FER: variants seen among roughly 807,000 people sequenced by gnomAD.
FER encodes FER tyrosine kinase, also known as tyrosine-protein kinase Fer.
A neutral mutation model predicts 111.0 loss-of-function variants in FER; 63 were observed. The ratio of observed to expected loss-of-function variants is 0.57; its 90% CI spans 0.46 to 0.70. The LOEUF (loss-of-function observed/expected upper bound fraction) is 0.70. Ranked by LOEUF, FER falls within the 30% of genes least tolerant of loss-of-function variation. The pLI, the probability that FER is intolerant of heterozygous loss-of-function variation, is 0.00. For missense variants in FER, 914 were observed against 954.0 expected (o/e 0.96, Z 0.55); for synonymous variants, 327 against 313.9 (o/e 1.04, Z -0.44).
intron 17 of FER, among the ~76,000 whole-genome samples, chr5:109,122,925 T>C (rs1257099431): frequency 6.6e-6 from 1 of 152,202 alleles, no homozygotes; most frequent in East Asian, 1.9e-4. Flanking sequence ...AATATCTTTT[T>C]TCATCCTTTT....
At chr5:109,109,889 C>A (rs1749392874) in intron 17 of FER, among the ~76,000 whole-genome samples, 1 of 152,046 alleles carries the variant, frequency 6.6e-6, no homozygotes, top group African/African-American at 2.4e-5. Context: ...AATTATACTC[C>A]CATTCAGGGT....
At chr5:109,184,648 G>GTATT (rs1758660486) in intron 18 of FER, among the ~76,000 whole-genome samples, 1 of 152,178 alleles carries the variant, frequency 6.6e-6, no homozygotes, top group African/African-American at 2.4e-5. Context: ...TTCATGAAAA[G>GTATT]TATTAAATTA....
At chr5:108,771,127 G>C (rs1752853907) in intron 2 of FER, among the ~76,000 whole-genome samples, 1 of 151,734 alleles carries the variant, frequency 6.6e-6, no homozygotes, top group South Asian at 2.1e-4. Context: ...GTAGAGACAG[G>C]GTTTCACCAT....
chr5:109,049,969 C>T (rs1220718043), intron 16 of FER, among the ~76,000 whole-genome samples: 1 of 152,180 alleles, frequency 6.6e-6, no homozygotes, highest in Non-Finnish European at 1.5e-5. Context: ...ACTCAGAATA[C>T]AAGTTCTGAA....
chr5:108,758,426 C>T (rs984981102), intron 1 of FER, among the ~76,000 whole-genome samples: 25 of 152,314 alleles, frequency 1.6e-4, no homozygotes, highest in African/African-American at 5.1e-4. Context: ...TTTCACGATT[C>T]TTCAGTTGCA....
At chr5:108,846,388 T>C (rs1762027524) in intron 5 of FER, among the ~76,000 whole-genome samples, 2 of 151,934 alleles carry the variant, frequency 1.3e-5, no homozygotes, top group South Asian at 4.2e-4. Context: ...TATATGCCAT[T>C]GTACTCCAGA....
intron 5 of FER, among the ~76,000 whole-genome samples, chr5:108,844,002 G>GTA (rs1038539020): frequency 9.2e-5 from 14 of 151,374 alleles, no homozygotes; most frequent in South Asian, 8.3e-4. Flanking sequence ...CTCTTTCTAT[G>GTA]TATATATATA....
At chr5:109,163,000 A>C (rs1756151353) in intron 17 of FER, among the ~76,000 whole-genome samples, 1 of 152,112 alleles carries the variant, frequency 6.6e-6, no homozygotes, top group African/African-American at 2.4e-5. Context: ...TTTTGCAGTC[A>C]GTATCCTTTT....
chr5:108,840,673 T>C (rs1304719227), intron 5 of FER, among the ~76,000 whole-genome samples: 2 of 152,150 alleles, frequency 1.3e-5, no homozygotes, highest in Non-Finnish European at 2.9e-5. Flanking sequence ...AGAGGCTTGA[T>C]TAGATTCAGG....
At chr5:109,181,565 A>G (rs1485255750) in intron 18 of FER, among the ~76,000 whole-genome samples, 1 of 152,232 alleles carries the variant, frequency 6.6e-6, no homozygotes. Context: ...TTATATTTTC[A>G]TTAAGGGAAG....
intron 3 of FER, among the ~76,000 whole-genome samples, chr5:108,811,840 AAG>A (rs1757793447): frequency 1.3e-5 from 2 of 152,138 alleles, no homozygotes; most frequent in Admixed American, 6.5e-5. Context: ...TCTGTTCTAG[AAG>A]AGAGAGAGTG....
In FER at chr5:108,787,865, C is replaced by T. The variant is rs143546017; in HGVS notation, c.-59-10259C>T. Among the ~76,000 whole-genome samples the T allele has an allele frequency of 2.1e-3, 323 of 152,326 alleles. 3 individuals are homozygous for T. Among genetic ancestry groups the T allele is most frequent in the African/African-American group, 7.1e-3 (295 of 41,582 alleles). On this transcript the variant is annotated intron_variant, in intron 2 of 19. Coordinates refer to ENST00000281092, the MANE Select transcript of FER (RefSeq NM_005246.4). ...TTGAGTCTCCTGAGAGCCATTCTGT[C>T]GCTCAGTGAAGCTCCTCTCTGCCTT...
intron 3 of FER, among the ~76,000 whole-genome samples, chr5:108,808,994 G>A (rs1757474953): frequency 6.6e-6 from 1 of 152,120 alleles, no homozygotes; most frequent in African/African-American, 2.4e-5. Context: ...CATGTGATCT[G>A]ACCTTTTTCT....
intron 3 of FER, among the ~76,000 whole-genome samples, chr5:108,804,111 T>G (rs146092474): frequency 4.4e-4 from 67 of 152,310 alleles, no homozygotes; most frequent in African/African-American, 1.6e-3. Flanking sequence ...TAAATGGCAT[T>G]GCATTCTTGA....
At chr5:109,142,674 G>T (rs904264699) in intron 17 of FER, among the ~76,000 whole-genome samples, 7 of 152,002 alleles carry the variant, frequency 4.6e-5, no homozygotes, top group Admixed American at 2.0e-4. Flanking sequence ...TCTGGAGGGA[G>T]ATTTGGCCAA....
At chr5:108,763,421 A>T (rs1191117480) in intron 1 of FER, among the ~76,000 whole-genome samples, 1 of 152,236 alleles carries the variant, frequency 6.6e-6, no homozygotes, top group Non-Finnish European at 1.5e-5. Context: ...CACATGCAGC[A>T]GATTTGCATC....
chr5:108,903,088 T>C (rs1014258933), intron 10 of FER, among the ~76,000 whole-genome samples: 3 of 152,136 alleles, frequency 2.0e-5, no homozygotes, highest in African/African-American at 7.2e-5. Context: ...ACCAAACATA[T>C]AATAATTTTT....
At chr5:108,751,296 G>A (rs762827555) in intron 1 of FER, among the ~76,000 whole-genome samples, 5 of 151,992 alleles carry the variant, frequency 3.3e-5, no homozygotes, top group Non-Finnish European at 7.4e-5. Flanking sequence ...AAATTATAAG[G>A]TGCTTATTTT....
intron 13 of FER, among the ~76,000 whole-genome samples, chr5:109,000,835 C>T (rs1764674395): frequency 6.6e-6 from 1 of 152,036 alleles, no homozygotes; most frequent in Non-Finnish European, 1.5e-5. Flanking sequence ...ACCACCTGTC[C>T]CACAGAAATA....
Sources: gnomAD v4.1 joint callset for allele counts (sites outside exome capture counted in the v4.1 genomes callset) on GRCh38, gnomAD v4.1.1 for gene constraint, MANE v1.5 for transcripts, NCBI Gene and HGNC (gene_info 2026-07-23, HGNC 2026-07-21) for gene names.